The following PLAUR variants were observed in gnomAD, a reference collection of about 807,000 sequenced individuals.
PLAUR encodes the protein urokinase plasminogen activator surface receptor.
In PLAUR, 22 loss-of-function variants were observed where a neutral mutation model predicts 33.4. The ratio of observed to expected loss-of-function variants is 0.66; its 90% confidence interval spans 0.47 to 0.94. PLAUR has a LOEUF of 0.94. Ranked by LOEUF, PLAUR falls within the 40% of genes least tolerant of loss-of-function variation. The pLI is 0.00. For missense variants in PLAUR, 408 were observed against 434.7 expected (o/e 0.94, Z 0.55); for synonymous variants, 148 against 167.3 (o/e 0.88, Z 0.89).
Position 43,668,292 on chromosome 19 carries a change from A to G in PLAUR, c.56-601T>C, listed in dbSNP as rs111995603. Reference sequence around the variant, plus strand: ...TGTTAGATACTCTAGTTTCCCGCGAAGTTCTGTCTCCGCCCTCCAGCTCTC... The same window carrying G: ...TGTTAGATACTCTAGTTTCCCGCGAGGTTCTGTCTCCGCCCTCCAGCTCTC... On this transcript the variant is annotated intron_variant, in intron 1 of 6. Transcript: ENST00000340093. 1.7e-3 allele frequency: 1,657 copies of G among 986,530 alleles called. 13 individuals are homozygous for G. The African/African-American group carries it at 0.025, about 15-fold the overall frequency. 61.1% of individuals were successfully genotyped at this position (986,530 alleles called of 1,614,324 possible). A position where few individuals can be genotyped will look rare whatever the true frequency, so the allele number is the denominator to read the frequency against.
chr19:43,662,585 G>C (rs559064974), intron 3 of PLAUR, among the ~76,000 whole-genome samples: 2 of 152,268 alleles, frequency 1.3e-5, no homozygotes, highest in South Asian at 4.1e-4. Context: ...ACAATGTCTA[G>C]AAACCCCTGT....
chr19:43,664,835 C>T (rs1247311937), intron 3 of PLAUR, among the ~76,000 whole-genome samples: 1 of 152,178 alleles, frequency 6.6e-6, no homozygotes, highest in East Asian at 1.9e-4. Context: ...GTCAGATGGA[C>T]AAACATCACT....
chr19:43,657,063 C>A (rs1259124065), intron 3 of PLAUR, among the ~76,000 whole-genome samples: 3 of 151,982 alleles, frequency 2.0e-5, no homozygotes, highest in African/African-American at 7.3e-5. Context: ...CCTGCCTCAG[C>A]CTCCCGAATA....
intron 3 of PLAUR, among the ~76,000 whole-genome samples, chr19:43,659,835 A>G (rs185412517): frequency 1.7e-3 from 259 of 152,290 alleles, no homozygotes; most frequent in African/African-American, 5.6e-3. Context: ...TCTGACCTCT[A>G]TCAAGCATAA....
rs751292275 is a variant in PLAUR, at chr19:43,648,929, C to G, written c.969G>C (p.Met323Ile). ...GAGTGCCTCCCCACAGTCTGGCAGT[C>G]ATTAGCAGGGTGATGGTGAGGCTGA... is the stretch of plus-strand genomic sequence containing the variant. ...AHLSLTITLL[M>I]TARLWGGTLL... is the part of the protein sequence containing the mutation. The change falls in exon 7 of 7, where the codon ATG becomes ATC. Residue 323 changes from methionine (M) to isoleucine (I), a missense_variant. Met to Ile is a conservative substitution (Grantham distance 10). Coordinates refer to ENST00000340093, the MANE Select transcript of PLAUR (RefSeq NM_002659.4). 1.1e-5 allele frequency: 18 copies of G among 1,614,108 alleles called. No homozygotes were observed. The highest frequency in any genetic ancestry group is 1.3e-5 in the Non-Finnish European group (15 of 1,180,016).
chr19:43,660,789 T>C (rs2146255685), intron 3 of PLAUR: 1 of 151,738 alleles, frequency 6.6e-6, no homozygotes, highest in East Asian at 1.9e-4. Context: ...TCTTGTAAAT[T>C]TTGATCAGAC....
At chr19:43,668,398 GC>G in intron 1 of PLAUR, 1 of 709,404 alleles carries the variant, frequency 1.4e-6, no homozygotes, top group East Asian at 1.4e-4. Context: ...TTATCTTCCC[GC>G]CCCCTAGCTC....
chr19:43,670,014 C>A (rs1443146986), intron 1 of PLAUR, 52 bp downstream of exon 1: 22 of 1,562,228 alleles, frequency 1.4e-5, no homozygotes, highest in Non-Finnish European at 1.9e-5. Flanking sequence ...AACCCCCAAC[C>A]CCCTCAATTA....
intron 5 of PLAUR, among the ~76,000 whole-genome samples, chr19:43,654,369 G>A (rs1974119636): frequency 6.6e-6 from 1 of 152,104 alleles, no homozygotes; most frequent in Non-Finnish European, 1.5e-5. Flanking sequence ...TAGGCCAACA[G>A]AATAAGGTCT....
intron 1 of PLAUR, chr19:43,668,346 C>A (rs1464702190): frequency 1.0e-5 from 10 of 979,424 alleles, no homozygotes; most frequent in Non-Finnish European, 1.2e-5. Context: ...GCTCCAGACT[C>A]ATCGTCGAGG....
chr19:43,650,556 G>A (rs932593126), intron 6 of PLAUR, among the ~76,000 whole-genome samples: 44 of 151,816 alleles, frequency 2.9e-4, no homozygotes, highest in African/African-American at 1.1e-3. Context: ...AAATCCCTAG[G>A]CTTAAGTGAC....
At chr19:43,666,865 G>A (rs542801915) in intron 2 of PLAUR, among the ~76,000 whole-genome samples, 18 of 143,626 alleles carry the variant, frequency 1.3e-4, no homozygotes, top group African/African-American at 2.4e-4. Flanking sequence ...CACCATGCCC[G>A]GCCCACCTTT....
chr19:43,659,162 C>CTTTTCTTT (rs1555780376), intron 3 of PLAUR, among the ~76,000 whole-genome samples: 3 of 10,754 alleles, frequency 2.8e-4, no homozygotes, highest in Non-Finnish European at 5.7e-4. Context: ...TTTTTCTTTT[C>CTTTTCTTT]TTTTCTTTTT....
intron 3 of PLAUR, chr19:43,665,068 G>A (rs990292702): frequency 1.9e-6 from 1 of 527,368 alleles, no homozygotes; most frequent in Non-Finnish European, 3.5e-6. Context: ...GTTTGAGTTG[G>A]GAACAGTGTT....
intron 5 of PLAUR, among the ~76,000 whole-genome samples, chr19:43,653,375 T>TA (rs1311073930): frequency 6.6e-6 from 1 of 152,174 alleles, no homozygotes; most frequent in African/African-American, 2.4e-5. Context: ...CTGAAGATGA[T>TA]ACATTAAAGC....
intron 6 of PLAUR, among the ~76,000 whole-genome samples, chr19:43,649,830 T>C (rs1194521358): frequency 6.6e-6 from 1 of 152,116 alleles, no homozygotes; most frequent in Non-Finnish European, 1.5e-5. Flanking sequence ...AGATCTGTGA[T>C]TTCACATGGC....
Position 43,648,680 on chromosome 19 carries a change from C to A in PLAUR, c.*210G>T. 1 of 764,872 alleles carries A rather than the reference C, an allele frequency of 1.3e-6. No individual in the cohort carries two copies. Among genetic ancestry groups the A allele is most frequent in the Non-Finnish European group, 1.9e-6 (1 of 518,888 alleles). 47.4% of individuals were successfully genotyped at this position (764,872 alleles called of 1,614,324 possible). ...GCAACAATATTAATAATAACAAGAG[C>A]TCTCCCATTGGCCCACGGCCTTCCT... On this transcript the variant is annotated 3_prime_UTR_variant, in exon 7 of 7. Transcript: ENST00000340093.
intron 5 of PLAUR, among the ~76,000 whole-genome samples, chr19:43,653,729 C>T (rs1321788974): frequency 6.6e-6 from 1 of 152,160 alleles, no homozygotes; most frequent in East Asian, 1.9e-4. Context: ...CCTGTAATCC[C>T]AGCACTTTGG....
downstream of PLAUR, chr19:43,646,147 C>G: frequency 4.5e-6 from 1 of 222,486 alleles, no homozygotes; most frequent in Non-Finnish European, 9.0e-6. Flanking sequence ...CTGTGTTGCC[C>G]AGGCTGATCT....
Sources: gnomAD v4.1 joint callset for allele counts (sites outside exome capture counted in the v4.1 genomes callset) on GRCh38, gnomAD v4.1.1 for gene constraint, MANE v1.5 for transcripts, NCBI Gene and HGNC (gene_info 2026-07-23, HGNC 2026-07-21) for gene names.